ZNF469: variants seen among roughly 807,000 people sequenced by gnomAD.
ZNF469 encodes the protein zinc finger protein 469.
A neutral mutation model predicts 1.0 loss-of-function variants in ZNF469; 1 was observed. That is an observed-to-expected ratio of 1.00 (90% confidence interval 0.35 to 4.73). ZNF469 has a LOEUF of 4.73. Ranked by LOEUF, ZNF469 falls within the 30% of genes most tolerant of loss-of-function variation. ZNF469 has a pLI of 0.16. For synonymous variants in ZNF469, 2,703 were observed against 2,363.4 expected (o/e 1.14, Z -4.17); for missense variants, 6,100 against 5,356.3 (o/e 1.14, Z -4.33).
upstream of ZNF469, among the ~76,000 whole-genome samples, chr16:88,381,307 CAT>C (rs112310462): frequency 4.1e-3 from 613 of 148,254 alleles, 4 homozygotes; most frequent in African/African-American, 0.014. Context: ...CACATGCACT[CAT>C]GCACTCACAC....
At chr16:88,206,157 C>T in the ZNF469 span, among the ~76,000 whole-genome samples, 3 of 152,196 alleles carry the variant, frequency 2.0e-5, no homozygotes, top group South Asian at 2.1e-4. Context: ...GAGCTGTGCC[C>T]GGAGACGGCA....
At chr16:88,219,932 G>T in the ZNF469 span, among the ~76,000 whole-genome samples, 1 of 152,162 alleles carries the variant, frequency 6.6e-6, no homozygotes, top group Non-Finnish European at 1.5e-5. Flanking sequence ...CCCCTAGAGA[G>T]AAGGCACCTG....
At chr16:88,328,945 A>C in the ZNF469 span, among the ~76,000 whole-genome samples, 4 of 152,298 alleles carry the variant, frequency 2.6e-5, no homozygotes, top group African/African-American at 7.2e-5. Flanking sequence ...CCGAATCAGC[A>C]AGAAGGGTCA....
At chr16:88,190,200 T>G in the ZNF469 span, among the ~76,000 whole-genome samples, 1 of 152,258 alleles carries the variant, frequency 6.6e-6, no homozygotes, top group Non-Finnish European at 1.5e-5. Context: ...GCAACTTTTT[T>G]TCCTGGCCCA....
At chr16:88,187,094 G>A in the ZNF469 span, among the ~76,000 whole-genome samples, 2 of 152,170 alleles carry the variant, frequency 1.3e-5, no homozygotes, top group Non-Finnish European at 2.9e-5. Context: ...GGCAGGGCTG[G>A]TGGGCGTCTG....
At position 88,387,373 on chromosome 16, in the gene ZNF469, C is replaced by T. The variant is rs933503619; in HGVS notation, c.-192+4119C>T. On this transcript the variant is annotated intron_variant, in intron 1 of 2. Coordinates refer to ENST00000565624, the MANE Select transcript of ZNF469 (RefSeq NM_001367624.2). ...GGCTGGCTTCAGGGCGGGGTGGGAG[C>T]GGCGGGCAGGACCCACCCCCGGGTG... Among the ~76,000 whole-genome samples the T allele has an allele frequency of 4.6e-5, 7 of 152,160 alleles. No individual in the cohort carries two copies. The East Asian group carries it at 7.7e-4, about 17-fold the overall frequency.
chr16:88,147,203 G>C, the ZNF469 span, among the ~76,000 whole-genome samples: 1 of 152,088 alleles, frequency 6.6e-6, no homozygotes, highest in East Asian at 1.9e-4. Context: ...TGATGGCAGA[G>C]GAGGGGCCAC....
intron 1 of ZNF469, among the ~76,000 whole-genome samples, chr16:88,389,805 C>T (rs1197466316): frequency 2.6e-5 from 4 of 152,126 alleles, no homozygotes; most frequent in East Asian, 1.9e-4. Context: ...TGTCTTTGAA[C>T]GACAGCGCAG....
chr16:88,328,695 C>CG, the ZNF469 span, among the ~76,000 whole-genome samples: 13 of 152,108 alleles, frequency 8.5e-5, no homozygotes, highest in African/African-American at 3.1e-4. Context: ...GCGTTCCAGC[C>CG]GGGGGGCTGG....
the ZNF469 span, among the ~76,000 whole-genome samples, chr16:88,343,401 TG>T: frequency 6.6e-6 from 1 of 152,228 alleles, no homozygotes; most frequent in Non-Finnish European, 1.5e-5. Flanking sequence ...CATAGACGCT[TG>T]CCCAGGAAGT....
chr16:88,135,748 G>GTTTTATTTT, the ZNF469 span, among the ~76,000 whole-genome samples: 10 of 66,908 alleles, frequency 1.5e-4, 3 homozygotes, highest in East Asian at 5.8e-4. Context: ...AGCTGGCCAT[G>GTTTTATTTT]TTTTTTTTTT....
the ZNF469 span, among the ~76,000 whole-genome samples, chr16:88,248,900 C>T: frequency 9.7e-4 from 147 of 152,202 alleles, no homozygotes; most frequent in South Asian, 2.1e-3. Context: ...TCTCTGTGTG[C>T]GCACCATGGT....
the ZNF469 span, among the ~76,000 whole-genome samples, chr16:88,277,983 G>A: frequency 6.7e-5 from 2 of 29,938 alleles, no homozygotes; most frequent in African/African-American, 3.1e-4. Context: ...CCTGACACTC[G>A]GTCAGTACCT....
chr16:88,366,344 CCAT>C, the ZNF469 span, among the ~76,000 whole-genome samples: 14 of 151,392 alleles, frequency 9.2e-5, no homozygotes, highest in East Asian at 1.6e-3. Context: ...GTCACCACCA[CCAT>C]CATCATCACC....
At chr16:88,310,114 C>T in the ZNF469 span, among the ~76,000 whole-genome samples, 1 of 152,046 alleles carries the variant, frequency 6.6e-6, no homozygotes, top group African/African-American at 2.4e-5. Context: ...GCAGTGGGGG[C>T]AGGGAGAAGC....
At chr16:88,369,881 G>A in the ZNF469 span, among the ~76,000 whole-genome samples, 6 of 152,310 alleles carry the variant, frequency 3.9e-5, no homozygotes, top group East Asian at 1.2e-3. Flanking sequence ...CGCGCCCTCA[G>A]AAACCACAGT....
At chr16:88,285,910 T>C in the ZNF469 span, among the ~76,000 whole-genome samples, 2 of 152,256 alleles carry the variant, frequency 1.3e-5, no homozygotes, top group East Asian at 3.8e-4. Flanking sequence ...ACAGATGTCT[T>C]CATCCCTCCA....
the ZNF469 span, among the ~76,000 whole-genome samples, chr16:88,194,067 G>A: frequency 6.6e-6 from 1 of 152,156 alleles, no homozygotes; most frequent in South Asian, 2.1e-4. Context: ...AGTGTGGCTT[G>A]GTGCAATCAC....
upstream of ZNF469, among the ~76,000 whole-genome samples, chr16:88,379,918 C>A (rs143412883): frequency 2.6e-5 from 4 of 152,302 alleles, no homozygotes; most frequent in East Asian, 7.7e-4. Flanking sequence ...GGTACAGGGT[C>A]ATCCCCTGTT....
Sources: gnomAD v4.1 joint callset for allele counts (sites outside exome capture counted in the v4.1 genomes callset) on GRCh38, gnomAD v4.1.1 for gene constraint, MANE v1.5 for transcripts, NCBI Gene and HGNC (gene_info 2026-07-23, HGNC 2026-07-21) for gene names.